The following STARD13 variants were observed in gnomAD, a reference collection of about 807,000 sequenced individuals.
STARD13 encodes the protein stAR-related lipid transfer protein 13.
Under a neutral mutation model 106.4 loss-of-function variants are expected in STARD13, and 62 were observed. The observed-to-expected ratio is 0.58, with a 90% CI of 0.48 to 0.72. The LOEUF (loss-of-function observed/expected upper bound fraction) is 0.72, where lower values mean the gene tolerates loss of function less well. STARD13 is among the 30% of genes least tolerant of loss of function. The pLI is 0.00. For synonymous variants in STARD13, 565 were observed against 553.0 expected, an observed-to-expected ratio of 1.02 and a Z score of -0.31; for missense variants, 1,387 against 1,424.0, an observed-to-expected ratio of 0.97 and a Z score of 0.42.
chr13:33,400,293 G>C, the STARD13 span, among the ~76,000 whole-genome samples: 1 of 152,080 alleles, frequency 6.6e-6, no homozygotes, highest in African/African-American at 2.4e-5. Context: ...TGTGACAAAG[G>C]CAAGATTTCT....
intron 7 of STARD13, 41 bp downstream of exon 7, chr13:33,126,040 T>C: frequency 6.2e-7 from 1 of 1,602,672 alleles, no homozygotes; most frequent in Admixed American, 1.7e-5. Flanking sequence ...AATCCCATGG[T>C]TGGGGGTGGT....
At chr13:33,162,478 C>T (rs1023054134) in intron 3 of STARD13, among the ~76,000 whole-genome samples, 18 of 152,198 alleles carry the variant, frequency 1.2e-4, no homozygotes, top group East Asian at 3.9e-4. Context: ...TCTACTGCAT[C>T]GTCAGGCTGC....
intron 12 of STARD13, among the ~76,000 whole-genome samples, chr13:33,107,457 C>A (rs978526639): frequency 6.6e-6 from 1 of 151,938 alleles, no homozygotes; most frequent in Non-Finnish European, 1.5e-5. Flanking sequence ...GAGGGGGCTG[C>A]GGGAGGAATA....
chr13:33,506,139 T>C, the STARD13 span, among the ~76,000 whole-genome samples: 6 of 152,310 alleles, frequency 3.9e-5, no homozygotes, highest in African/African-American at 1.2e-4. Context: ...AGTAAAAATT[T>C]GTTTTCTTAA....
chr13:33,648,175 A>G, the STARD13 span, among the ~76,000 whole-genome samples: 2 of 152,252 alleles, frequency 1.3e-5, no homozygotes, highest in Admixed American at 1.3e-4. Flanking sequence ...ATCTCTGACA[A>G]AATACACAAG....
the STARD13 span, among the ~76,000 whole-genome samples, chr13:33,444,051 T>C: frequency 2.6e-5 from 4 of 152,146 alleles, no homozygotes; most frequent in African/African-American, 9.7e-5. Context: ...AAGGGTACAC[T>C]TTGGAGCAGA....
chr13:33,422,996 A>G, the STARD13 span, among the ~76,000 whole-genome samples: 2 of 152,346 alleles, frequency 1.3e-5, no homozygotes, highest in East Asian at 1.9e-4. Flanking sequence ...AAAACCCTAG[A>G]AGAAAACCTA....
At chr13:33,244,686 G>A (rs1889733953) in intron 1 of STARD13, among the ~76,000 whole-genome samples, 1 of 152,104 alleles carries the variant, frequency 6.6e-6, no homozygotes, top group African/African-American at 2.4e-5. Flanking sequence ...GGGGATAAGA[G>A]ACCACATGTA....
intron 1 of STARD13, among the ~76,000 whole-genome samples, chr13:33,218,117 C>T (rs1446109890): frequency 6.6e-6 from 1 of 152,208 alleles, no homozygotes; most frequent in African/African-American, 2.4e-5. Flanking sequence ...TACTGTATGG[C>T]AAACATACCT....
At chr13:33,288,086 C>T (rs1251001498), upstream of STARD13, among the ~76,000 whole-genome samples, 1 of 151,644 alleles carries the variant, frequency 6.6e-6, no homozygotes, top group Admixed American at 6.6e-5. Flanking sequence ...TGTGTCAAGG[C>T]GAGGTTACTA....
the STARD13 span, among the ~76,000 whole-genome samples, chr13:33,376,155 AGCTTTAAGCAC>A: frequency 6.6e-6 from 1 of 152,124 alleles, no homozygotes. Flanking sequence ...GCTACACCCT[AGCTTTAAGCAC>A]AGGTGACAAA....
chr13:33,384,819 G>A, the STARD13 span, among the ~76,000 whole-genome samples: 1 of 152,084 alleles, frequency 6.6e-6, no homozygotes, highest in African/African-American at 2.4e-5. Flanking sequence ...GCTGAGCAAG[G>A]AGGGACTTAG....
chr13:33,166,791 T>G (rs1266278984), intron 2 of STARD13, among the ~76,000 whole-genome samples: 1 of 152,062 alleles, frequency 6.6e-6, no homozygotes, highest in African/African-American at 2.4e-5. Context: ...GGTCAGGAGT[T>G]CGAGACCAGC....
chr13:33,641,189 T>C, the STARD13 span, among the ~76,000 whole-genome samples: 2 of 152,228 alleles, frequency 1.3e-5, no homozygotes, highest in African/African-American at 4.8e-5. Context: ...CTCTCTAGAA[T>C]AGGGTTCTTA....
the STARD13 span, among the ~76,000 whole-genome samples, chr13:33,617,985 A>C: frequency 6.6e-6 from 1 of 152,250 alleles, no homozygotes; most frequent in Admixed American, 6.5e-5. Context: ...TTGCATTTTG[A>C]ATGATATAAG....
At chr13:33,570,983 A>G in the STARD13 span, among the ~76,000 whole-genome samples, 223 of 152,300 alleles carry the variant, frequency 1.5e-3, 4 homozygotes, top group East Asian at 0.033. Flanking sequence ...TCCCATGTTC[A>G]TACCATCCTG....
intron 1 of STARD13, among the ~76,000 whole-genome samples, chr13:33,216,617 T>C (rs1213150407): frequency 1.3e-5 from 2 of 152,150 alleles, no homozygotes; most frequent in African/African-American, 2.4e-5. Flanking sequence ...GTTTAGTGTA[T>C]ACTGCTAGGG....
intron 1 of STARD13, among the ~76,000 whole-genome samples, chr13:33,250,303 AG>A (rs1448963830): frequency 6.6e-6 from 1 of 152,224 alleles, no homozygotes; most frequent in African/African-American, 2.4e-5. Flanking sequence ...CCAAGCCAAA[AG>A]TTCCCTATAG....
At chr13:33,503,761 T>G in the STARD13 span, among the ~76,000 whole-genome samples, 2 of 152,174 alleles carry the variant, frequency 1.3e-5, no homozygotes, top group African/African-American at 4.8e-5. Context: ...TTGTTATAAT[T>G]TCTGTTCTTT....
Sources: gnomAD v4.1 joint callset for allele counts (sites outside exome capture counted in the v4.1 genomes callset) on GRCh38, gnomAD v4.1.1 for gene constraint, MANE v1.5 for transcripts, NCBI Gene and HGNC (gene_info 2026-07-23, HGNC 2026-07-21) for gene names.